Variants in DLEU7 observed in about 807,000 individuals in gnomAD.
DLEU7 encodes leukemia-associated protein 7.
In DLEU7, 17 loss-of-function variants were observed where a neutral mutation model predicts 16.0. That is an observed-to-expected ratio of 1.06 (90% CI 0.73 to 1.59). DLEU7 has a LOEUF of 1.59. DLEU7 is among the 40% of genes most tolerant of loss of function. The probability of loss-of-function intolerance (pLI) is 0.00; values close to 1 mark genes in which losing one functional copy is unlikely to be tolerated. For missense variants in DLEU7, 308 were observed against 314.9 expected, an observed-to-expected ratio of 0.98 and a Z score of 0.17; for synonymous variants, 113 against 139.8, an observed-to-expected ratio of 0.81 and a Z score of 1.35.
chr13:50,713,195 C>T (rs560928686), exon 2 of DLEU7: 6 of 1,609,652 alleles, frequency 3.7e-6, no homozygotes, highest in Non-Finnish European at 8.5e-7. Flanking sequence ...TGATGGTCCT[C>T]ACACTCCTAC....
At chr13:50,761,333 G>T (rs1316867665) in intron 1 of DLEU7, among the ~76,000 whole-genome samples, 1 of 152,102 alleles carries the variant, frequency 6.6e-6, no homozygotes, top group Non-Finnish European at 1.5e-5. Flanking sequence ...GAAGGGGGAC[G>T]AATTGTTTTA....
chr13:50,824,118 C>T (rs1291320177), intron 1 of DLEU7, among the ~76,000 whole-genome samples: 3 of 152,142 alleles, frequency 2.0e-5, no homozygotes, highest in Non-Finnish European at 4.4e-5. Flanking sequence ...ATCCCATACT[C>T]ACTGTGTTCG....
In DLEU7 at chr13:50,842,812, C is replaced by T. The variant is rs556974984; in HGVS notation, c.459+376G>A. Among the ~76,000 whole-genome samples, 14 of 152,252 alleles carry T rather than the reference C, an allele frequency of 9.2e-5. No individual in the cohort carries two copies. In the South Asian group the frequency reaches 2.9e-3, roughly 32 times the overall value. On this transcript the variant is annotated intron_variant, in intron 1 of 1. Coordinates refer to ENST00000504404, the MANE Select transcript of DLEU7 (RefSeq NM_001306135.2). ...AGTGTATTTAAGGCTCTGGAGGAAG[C>T]GTTATTAATTTGGAAAGTGGGTGGG...
chr13:50,725,070 C>T (rs186683692), intron 1 of DLEU7, among the ~76,000 whole-genome samples: 1 of 145,840 alleles, frequency 6.9e-6, no homozygotes, highest in East Asian at 2.0e-4. Context: ...TGTATGTAAG[C>T]CAAAGTTAGT....
chr13:50,732,472 T>A (rs901429481), intron 1 of DLEU7, among the ~76,000 whole-genome samples: 4 of 151,928 alleles, frequency 2.6e-5, no homozygotes, highest in African/African-American at 9.7e-5. Context: ...TAGGTAGGCA[T>A]GGTGGCAGGC....
At chr13:50,742,979 C>G (rs1874293532) in intron 1 of DLEU7, among the ~76,000 whole-genome samples, 1 of 152,116 alleles carries the variant, frequency 6.6e-6, no homozygotes. Context: ...AGGATGCACC[C>G]CTCCAGAGGA....
intron 1 of DLEU7, among the ~76,000 whole-genome samples, chr13:50,746,413 A>G (rs1222101064): frequency 1.3e-5 from 2 of 152,210 alleles, no homozygotes; most frequent in African/African-American, 4.8e-5. Context: ...CGAATCAGCT[A>G]TCCTGTGGCC....
rs1876969315 is a variant in DLEU7, at chr13:50,823,198, A to G, written c.*116T>C. On this transcript the variant is annotated 3_prime_UTR_variant, in exon 2 of 2. Transcript: ENST00000504404. ...GGTCAGACTGCTCCACGTACCATCA[A>G]GTCTTTCCCCTTTGGATATAAAAAT... 5.4e-6 allele frequency: 8 copies of G among 1,480,720 alleles called. No homozygotes were observed. The Admixed American group carries it at 1.5e-4, about 27-fold the overall frequency. 91.7% of individuals were successfully genotyped at this position (1,480,720 alleles called of 1,614,324 possible).
At chr13:50,729,365 T>C (rs1593530849) in intron 1 of DLEU7, among the ~76,000 whole-genome samples, 1 of 152,236 alleles carries the variant, frequency 6.6e-6, no homozygotes, top group African/African-American at 2.4e-5. Context: ...CAATATCTTA[T>C]TCTTTTTCAT....
chr13:50,779,961 CGTTAACACATCTTAACA>C (rs56740793), intron 1 of DLEU7, among the ~76,000 whole-genome samples: 2,027 of 152,154 alleles, frequency 0.013, 39 homozygotes, highest in African/African-American at 0.047. Context: ...CCTATTAAGC[CGTTAACACATCTTAACA>C]GATGTGTTAA....
At chr13:50,731,010 C>A (rs1426415851) in intron 1 of DLEU7, among the ~76,000 whole-genome samples, 2 of 152,256 alleles carry the variant, frequency 1.3e-5, no homozygotes, top group Non-Finnish European at 2.9e-5. Context: ...ATGGAAAGTA[C>A]CCCTGATTGG....
chr13:50,804,198 G>A (rs753762492), intron 1 of DLEU7, among the ~76,000 whole-genome samples: 8 of 151,708 alleles, frequency 5.3e-5, no homozygotes, highest in Non-Finnish European at 1.0e-4. Flanking sequence ...GGTTATTCCT[G>A]CTTGTTTTTT....
intron 1 of DLEU7, among the ~76,000 whole-genome samples, chr13:50,740,063 G>A (rs1874208520): frequency 1.3e-5 from 2 of 152,118 alleles, no homozygotes; most frequent in Admixed American, 1.3e-4. Flanking sequence ...GTCCTGACAG[G>A]AATTTAAATG....
At chr13:50,771,807 C>T (rs1875324192) in intron 1 of DLEU7, among the ~76,000 whole-genome samples, 1 of 152,144 alleles carries the variant, frequency 6.6e-6, no homozygotes, top group African/African-American at 2.4e-5. Flanking sequence ...GAGTTCAAGT[C>T]CTGGGTATCC....
At chr13:50,766,888 A>G (rs187353225) in intron 1 of DLEU7, among the ~76,000 whole-genome samples, 43 of 151,994 alleles carry the variant, frequency 2.8e-4, no homozygotes, top group African/African-American at 9.6e-4. Flanking sequence ...ACACAGAGCA[A>G]CACTGGTGTG....
chr13:50,714,697 C>G (rs1195052693), intron 1 of DLEU7, among the ~76,000 whole-genome samples: 1 of 152,094 alleles, frequency 6.6e-6, no homozygotes, highest in African/African-American at 2.4e-5. Flanking sequence ...TAAAATGCTT[C>G]CTCCTCCCTT....
At chr13:50,783,009 G>GT (rs1875699098) in intron 1 of DLEU7, among the ~76,000 whole-genome samples, 1 of 152,200 alleles carries the variant, frequency 6.6e-6, no homozygotes, top group East Asian at 1.9e-4. Context: ...AAGGGAGCTT[G>GT]TTTTACAAAA....
chr13:50,808,173 G>A (rs1321112662), intron 1 of DLEU7, among the ~76,000 whole-genome samples: 1 of 152,202 alleles, frequency 6.6e-6, no homozygotes, highest in Non-Finnish European at 1.5e-5. Context: ...GAACAGGAAT[G>A]TTTGATTGCT....
At chr13:50,801,381 G>A (rs1366013498) in intron 1 of DLEU7, among the ~76,000 whole-genome samples, 3 of 152,036 alleles carry the variant, frequency 2.0e-5, no homozygotes, top group South Asian at 2.1e-4. Flanking sequence ...TTAGCAGCAC[G>A]GAGCTGTTGT....
Sources: gnomAD v4.1 joint callset for allele counts (sites outside exome capture counted in the v4.1 genomes callset) on GRCh38, gnomAD v4.1.1 for gene constraint, MANE v1.5 for transcripts, NCBI Gene and HGNC (gene_info 2026-07-23, HGNC 2026-07-21) for gene names.